The following ZNF138 variants were observed in gnomAD, a reference collection of about 807,000 sequenced individuals.
ZNF138 encodes zinc finger protein 138 (clone pHZ-32).
ZNF138 carries 33 observed loss-of-function variants against 33.0 expected under a neutral mutation model. The observed-to-expected ratio is 1.00, with a 90% CI of 0.76 to 1.34. The LOEUF is 1.34. Ranked by LOEUF, ZNF138 falls within the 40% of genes most tolerant of loss-of-function variation. The pLI is 0.00. For synonymous variants in ZNF138, 139 were observed against 120.4 expected (o/e 1.15, Z -1.01); for missense variants, 360 against 370.8 (o/e 0.97, Z 0.24).
chr7:64,825,234 G>A (rs1208044131), intron 3 of ZNF138, among the ~76,000 whole-genome samples: 1 of 126,674 alleles, frequency 7.9e-6, no homozygotes, highest in East Asian at 2.6e-4. Context: ...GTGCAGTGGC[G>A]CGATCTCGGC....
chr7:64,803,081 G>T (rs1787281128), intron 1 of ZNF138, among the ~76,000 whole-genome samples: 1 of 151,970 alleles, frequency 6.6e-6, no homozygotes, highest in Non-Finnish European at 1.5e-5. Context: ...AATAAGGGAG[G>T]ATATTTTGTT....
intron 3 of ZNF138, among the ~76,000 whole-genome samples, 165 bp from the exon 4 acceptor site, chr7:64,831,286 G>A (rs560234031): frequency 3.1e-4 from 47 of 152,042 alleles, no homozygotes; most frequent in African/African-American, 1.1e-3. Flanking sequence ...ATATGTTTTG[G>A]TATGTTTTTG....
chr7:64,850,276 C>G, the ZNF138 span, among the ~76,000 whole-genome samples: 1 of 152,218 alleles, frequency 6.6e-6, no homozygotes, highest in Non-Finnish European at 1.5e-5. Context: ...ACTTTCACAT[C>G]TTGAACACTA....
chr7:64,810,494 G>T (rs1395050745), intron 1 of ZNF138, among the ~76,000 whole-genome samples: 5 of 150,620 alleles, frequency 3.3e-5, no homozygotes, highest in African/African-American at 1.2e-4. Flanking sequence ...TGTTTCTTAT[G>T]CCTTGCTAAG....
Position 64,832,371 on chromosome 7 carries a change from A to G in ZNF138, c.*169A>G, listed in dbSNP as rs531952167. The G allele has an allele frequency of 1.9e-6, 3 of 1,544,416 alleles. No homozygotes were observed. In the African/African-American group the frequency reaches 4.1e-5, roughly 21 times the overall value. ...TGGCAGAGCTTTTAACCAGTCCGCA[A>G]AGCTCACTGAACATAAGTTAATTCA... On this transcript the variant is annotated 3_prime_UTR_variant, in exon 4 of 4. Coordinates refer to ENST00000307355, the MANE Select transcript of ZNF138 (RefSeq NM_001271639.2).
chr7:64,832,283 T>G lies in ZNF138; in HGVS notation c.*81T>G. On this transcript the variant is annotated 3_prime_UTR_variant, in exon 4 of 4. Transcript: ENST00000307355. ...AATGTGGCAAAGCCTTTAACCAGTT[T>G]TCAACCCTTATTACACATAAGATAA... 4 of 1,590,326 alleles carry G rather than the reference T, an allele frequency of 2.5e-6. No individual in the cohort carries two copies. Among genetic ancestry groups the G allele is most frequent in the Non-Finnish European group, 3.4e-6 (4 of 1,170,172 alleles).
chr7:64,815,484 C>T, intron 2 of ZNF138, 92 bp from the exon 3 acceptor site: 1 of 1,082,278 alleles, frequency 9.2e-7, no homozygotes. Context: ...ATTCTCTTTA[C>T]TGAGCACATT....
At chr7:64,811,346 T>A (rs927043042) in intron 1 of ZNF138, among the ~76,000 whole-genome samples, 9 of 152,234 alleles carry the variant, frequency 5.9e-5, no homozygotes, top group African/African-American at 2.2e-4. Flanking sequence ...AATGTTATTT[T>A]TCTTTTCTTT....
At chr7:64,833,877 A>C (rs1790285526), downstream of ZNF138, among the ~76,000 whole-genome samples, 1 of 152,148 alleles carries the variant, frequency 6.6e-6, no homozygotes, top group Admixed American at 6.5e-5. Context: ...GGCATGTACC[A>C]TCACGCCCGG....
the ZNF138 span, among the ~76,000 whole-genome samples, chr7:64,839,630 C>T: frequency 1.3e-5 from 2 of 152,082 alleles, no homozygotes; most frequent in South Asian, 2.1e-4. Flanking sequence ...CAGCGTCTGC[C>T]GAATTGGACT....
chr7:64,815,113 G>A, intron 2 of ZNF138, 69 bp downstream of exon 2: 2 of 1,375,046 alleles, frequency 1.5e-6, no homozygotes, highest in African/African-American at 1.5e-5. Flanking sequence ...TTTTTGGGTA[G>A]AATGTCTTTT....
chr7:64,817,996 A>AC (rs1318079144), intron 3 of ZNF138, among the ~76,000 whole-genome samples: 2 of 87,128 alleles, frequency 2.3e-5, no homozygotes, highest in East Asian at 5.8e-4. Context: ...TATTATTATT[A>AC]TTTTTTTTTT....
At chr7:64,845,903 T>C in the ZNF138 span, among the ~76,000 whole-genome samples, 1 of 152,190 alleles carries the variant, frequency 6.6e-6, no homozygotes, top group African/African-American at 2.4e-5. Context: ...AGATCTTAGA[T>C]TTAAGTCTTA....
rs1361944611 is a variant in ZNF138, at chr7:64,832,384, ATAAGT to A, written c.*186_*190del. The A allele has an allele frequency of 3.3e-6, 5 of 1,531,380 alleles. No homozygotes were observed. The highest frequency in any genetic ancestry group is 4.6e-5 in the East Asian group (2 of 43,490). 94.9% of individuals were successfully genotyped at this position (1,531,380 alleles called of 1,614,324 possible). ...AACCAGTCCGCAAAGCTCACTGAAC[ATAAGT>A]TAATTCATACTGGAGAAAAACCCTA... On this transcript the variant is annotated 3_prime_UTR_variant, in exon 4 of 4. Transcript: ENST00000307355.
chr7:64,813,234 A>G (rs546459957), intron 1 of ZNF138, among the ~76,000 whole-genome samples: 3 of 152,288 alleles, frequency 2.0e-5, no homozygotes, highest in South Asian at 2.1e-4. Flanking sequence ...TTGAAGTTTC[A>G]TCTGTGTTCT....
intron 3 of ZNF138, among the ~76,000 whole-genome samples, chr7:64,817,064 A>G (rs1434033568): frequency 6.6e-6 from 1 of 152,212 alleles, no homozygotes; most frequent in South Asian, 2.1e-4. Context: ...GGTGGGCCTT[A>G]TATCAGGATA....
intron 3 of ZNF138, among the ~76,000 whole-genome samples, chr7:64,829,488 G>T (rs1789909281): frequency 6.7e-5 from 1 of 14,978 alleles, no homozygotes. Context: ...AATCTCTTTG[G>T]CGTTTTGACT....
chr7:64,830,952 C>T, intron 3 of ZNF138: 2 of 1,551,336 alleles, frequency 1.3e-6, no homozygotes, highest in Admixed American at 3.9e-5. Context: ...GTAGCATTTA[C>T]CTTTGATCTC....
At chr7:64,860,135 CAATAT>C in the ZNF138 span, among the ~76,000 whole-genome samples, 6 of 152,006 alleles carry the variant, frequency 3.9e-5, no homozygotes, top group African/African-American at 7.2e-5. Context: ...GACTCTGTCT[CAATAT>C]AATATAATTA....
Sources: gnomAD v4.1 joint callset for allele counts (sites outside exome capture counted in the v4.1 genomes callset) on GRCh38, gnomAD v4.1.1 for gene constraint, MANE v1.5 for transcripts, NCBI Gene and HGNC (gene_info 2026-07-23, HGNC 2026-07-21) for gene names.